Variants in ZZEF1 observed in about 807,000 individuals in gnomAD.
ZZEF1 encodes zinc finger ZZ-type and EF-hand domain containing 1.
ZZEF1 carries 157 observed loss-of-function variants against 342.8 expected under a neutral mutation model. The ratio of observed to expected loss-of-function variants is 0.46; its 90% CI spans 0.40 to 0.52. The LOEUF is 0.52. ZZEF1 is among the 20% of genes least tolerant of loss of function. ZZEF1 has a pLI of 0.00. For missense variants in ZZEF1, 3,480 were observed against 3,725.6 expected (o/e 0.93, Z 1.72); for synonymous variants, 1,505 against 1,429.1 (o/e 1.05, Z -1.20).
chr17:4,006,148 G>GC lies in ZZEF1; in HGVS notation c.*741dup, dbSNP rs2055795605. On this transcript the variant is annotated 3_prime_UTR_variant, in exon 55 of 55. Coordinates refer to ENST00000381638, the MANE Select transcript of ZZEF1 (RefSeq NM_015113.4). ...GGTCAGTCCCCGGTCATGCCCTCGA[G>GC]CCCCTCCAGGGAGACAGTGTGGTTC... 6.5e-6 allele frequency: 1 copy of GC among 153,122 alleles called. No individual in the cohort carries two copies. The highest frequency in any genetic ancestry group is 1.5e-5 in the Non-Finnish European group (1 of 68,736). 9.5% of individuals were successfully genotyped at this position (153,122 alleles called of 1,614,324 possible).
At chr17:4,088,215 T>C (rs2057876264) in intron 13 of ZZEF1, among the ~76,000 whole-genome samples, 1 of 152,216 alleles carries the variant, frequency 6.6e-6, no homozygotes, top group Non-Finnish European at 1.5e-5. Context: ...GTTATATTAC[T>C]GACTGTAAGA....
chr17:4,072,637 G>C lies in ZZEF1; in HGVS notation c.3805C>G (p.Pro1269Ala), dbSNP rs370550753. Reference protein sequence around the residue: ...CPELELEASWPTHPHRNSKEV... With the variant: ...CPELELEASWATHPHRNSKEV... ...TTACTATTCCGGTGTGGGTGAGTGGGCCAGCTTGCTTCTAATTCCAACTCT... is the reference window on the plus strand; with the variant it reads ...TTACTATTCCGGTGTGGGTGAGTGGCCCAGCTTGCTTCTAATTCCAACTCT... Residue 1269 changes from proline (P) to alanine (A), a missense_variant, in exon 25 of 55, where the codon CCC (proline) becomes GCC (alanine). Transcript: ENST00000381638. 3 of 1,613,600 alleles carry C rather than the reference G, an allele frequency of 1.9e-6. No individual in the cohort carries two copies. The highest frequency in any genetic ancestry group is 1.1e-5 in the South Asian group (1 of 91,024).
intron 29 of ZZEF1, 93 bp downstream of exon 29, chr17:4,064,268 T>C: frequency 1.0e-6 from 1 of 957,354 alleles, no homozygotes; most frequent in Admixed American, 2.3e-5. Context: ...AAATATTATT[T>C]GTTCGTTTTT....
At chr17:4,085,233 G>T (rs1188874993) in intron 16 of ZZEF1, among the ~76,000 whole-genome samples, 1 of 152,164 alleles carries the variant, frequency 6.6e-6, no homozygotes, top group East Asian at 1.9e-4. Flanking sequence ...AGGAGGAAAG[G>T]GGGGTGAGGT....
Position 4,142,691 on chromosome 17 carries a change from AG to A in ZZEF1, c.204del (p.Cys69AlafsTer84). ...CGATGCCTCGACACCAGCGACTCGCAGGGGGGTGTGGGCAGCAACGCTGCAG... is the reference window on the plus strand; with the variant it reads ...CGATGCCTCGACACCAGCGACTCGCAGGGGGTGTGGGCAGCAACGCTGCAG... The part of the protein sequence containing the change: ...EAAAALLPTP[P>X]CESLVSRHRG... On this transcript the variant is annotated frameshift_variant, in exon 1 of 55. Coordinates refer to ENST00000381638, the MANE Select transcript of ZZEF1 (RefSeq NM_015113.4). LOFTEE classifies it high-confidence loss of function. The A allele has an allele frequency of 1.2e-6, 2 of 1,604,690 alleles. No homozygotes were observed.
chr17:4,069,659 C>T (rs187915142), intron 26 of ZZEF1, among the ~76,000 whole-genome samples: 1 of 152,072 alleles, frequency 6.6e-6, no homozygotes, highest in Non-Finnish European at 1.5e-5. Context: ...GGCGAAACCC[C>T]GTCTCTACTA....
chr17:4,091,721 G>C (rs2057946099), intron 11 of ZZEF1, among the ~76,000 whole-genome samples: 1 of 151,640 alleles, frequency 6.6e-6, no homozygotes, highest in Non-Finnish European at 1.5e-5. Context: ...AGGTTGCAGT[G>C]AACTGAGATC....
At chr17:4,047,736 A>T (rs570794927) in intron 37 of ZZEF1, among the ~76,000 whole-genome samples, 1 of 151,720 alleles carries the variant, frequency 6.6e-6, no homozygotes, top group Non-Finnish European at 1.5e-5. Context: ...AGGTCAGAAG[A>T]TCGAGACCAA....
At position 4,074,137 on chromosome 17, in the gene ZZEF1, G is replaced by A; in HGVS notation, c.3685+13C>T. Reference sequence around the variant, plus strand: ...TGGTTGTAAGAAGGGAAAGCACAGGGATGTGCACTTACGGCGCACAGACTT... The same window carrying A: ...TGGTTGTAAGAAGGGAAAGCACAGGAATGTGCACTTACGGCGCACAGACTT... On this transcript the variant is annotated intron_variant, in intron 24 of 54. Transcript: ENST00000381638. 1 of 1,613,156 alleles carries A rather than the reference G, an allele frequency of 6.2e-7. No individual in the cohort carries two copies. Among genetic ancestry groups the A allele is most frequent in the Non-Finnish European group, 8.5e-7 (1 of 1,179,674 alleles).
Position 4,096,650 on chromosome 17 carries a change from C to T in ZZEF1, c.1723G>A (p.Gly575Arg), listed in dbSNP as rs376734360. Residue 575 changes from glycine to arginine, a missense_variant, in exon 10 of 55, where the codon GGA (glycine) becomes AGA (arginine). Coordinates refer to ENST00000381638, the MANE Select transcript of ZZEF1 (RefSeq NM_015113.4). Reference protein sequence around the residue: ...KTRASTIFSTGTESAFQVTQI... With the variant: ...KTRASTIFSTRTESAFQVTQI... ...GTAACTTGGAAGGCAGATTCAGTTCCGGTAGAAAAAATAGTGCTGGCTCTG... is the reference window on the plus strand; with the variant it reads ...GTAACTTGGAAGGCAGATTCAGTTCTGGTAGAAAAAATAGTGCTGGCTCTG... The T allele has an allele frequency of 9.9e-6, 16 of 1,613,922 alleles. No homozygotes were observed. The highest frequency in any genetic ancestry group is 4.4e-5 in the South Asian group (4 of 91,040).
At chr17:4,019,519 T>C in intron 46 of ZZEF1, 150 bp downstream of exon 46, 3 of 646,370 alleles carry the variant, frequency 4.6e-6, no homozygotes, top group Non-Finnish European at 7.9e-6. Flanking sequence ...ACAGGCCACC[T>C]CCCACCTCGC....
Position 4,058,106 on chromosome 17 carries a change from A to G in ZZEF1, c.5053T>C (p.Leu1685=). The change falls in exon 32 of 55, where the codon TTG becomes CTG. Residue 1685 remains leucine, a synonymous_variant. Coordinates refer to ENST00000381638, the MANE Select transcript of ZZEF1 (RefSeq NM_015113.4). ...TCATTGGGTTCCCAGCCCATATCCA[A>G]AAGATGAAGCAGGGCTGTCTGAACA... The part of the protein sequence containing the change: ...SCVQTALLHL[L]DMGWEPNDLA... The G allele has an allele frequency of 6.2e-7, 1 of 1,614,062 alleles. No homozygotes were observed. Among genetic ancestry groups the G allele is most frequent in the Non-Finnish European group, 8.5e-7 (1 of 1,179,964 alleles).
At chr17:4,021,393 A>G in intron 44 of ZZEF1, 73 bp from the exon 45 acceptor site, 1 of 1,256,376 alleles carries the variant, frequency 8.0e-7, no homozygotes, top group South Asian at 1.7e-5. Flanking sequence ...TTTAATCATG[A>G]AAATATTGGG....
chr17:4,015,144 A>G (rs1026537969), intron 49 of ZZEF1, among the ~76,000 whole-genome samples: 1 of 152,168 alleles, frequency 6.6e-6, no homozygotes, highest in Admixed American at 6.5e-5. Flanking sequence ...AGGAAATCAG[A>G]AAGTAGCAGC....
intron 30 of ZZEF1, among the ~76,000 whole-genome samples, chr17:4,060,941 T>C (rs2057274793): frequency 6.6e-6 from 1 of 152,328 alleles, no homozygotes; most frequent in African/African-American, 2.4e-5. Context: ...TCCTTATCAC[T>C]GATTCATTCC....
chr17:4,115,578 G>A (rs1026137126), intron 3 of ZZEF1, among the ~76,000 whole-genome samples: 7 of 152,126 alleles, frequency 4.6e-5, no homozygotes, highest in Non-Finnish European at 8.8e-5. Context: ...CACAAGAATT[G>A]CTTAAACCTG....
At chr17:4,086,967 A>G (rs1046697962) in intron 14 of ZZEF1, among the ~76,000 whole-genome samples, 17 of 152,136 alleles carry the variant, frequency 1.1e-4, no homozygotes, top group African/African-American at 4.1e-4. Flanking sequence ...ACTGCATCTC[A>G]GCCTCCCAGG....
At chr17:4,058,387 G>A (rs2057213498) in intron 31 of ZZEF1, among the ~76,000 whole-genome samples, 1 of 152,176 alleles carries the variant, frequency 6.6e-6, no homozygotes, top group Non-Finnish European at 1.5e-5. Flanking sequence ...ACCACCACAG[G>A]GGTATCTTAT....
intron 16 of ZZEF1, 137 bp from the exon 17 acceptor site, chr17:4,082,641 C>T (rs924868157): frequency 4.4e-5 from 34 of 768,200 alleles, no homozygotes; most frequent in Non-Finnish European, 6.7e-5. Context: ...CCTCACAGCA[C>T]CCCACTAAAA....
Sources: allele counts gnomAD v4.1 joint callset (sites outside exome capture counted in the v4.1 genomes callset), GRCh38; gene constraint gnomAD v4.1.1; transcripts MANE v1.5; gene names NCBI Gene and HGNC (gene_info 2026-07-23, HGNC 2026-07-21).